The following ZPBP variants were observed in gnomAD, a reference collection of about 807,000 sequenced individuals.
ZPBP encodes zona pellucida-binding protein 1.
In ZPBP, 26 loss-of-function variants were observed where a neutral mutation model predicts 44.8. That is an observed-to-expected ratio of 0.58 (90% CI 0.43 to 0.81). ZPBP has a LOEUF of 0.81. Ranked by LOEUF, ZPBP falls within the 30% of genes least tolerant of loss-of-function variation. ZPBP has a pLI of 0.00. For synonymous variants in ZPBP, 174 were observed against 153.2 expected, an observed-to-expected ratio of 1.14 and a Z score of -1.00; for missense variants, 409 against 434.0, an observed-to-expected ratio of 0.94 and a Z score of 0.51.
chr7:50,086,435 T>C (rs1388383364), intron 2 of ZPBP, among the ~76,000 whole-genome samples: 2 of 152,092 alleles, frequency 1.3e-5, no homozygotes, highest in Admixed American at 6.6e-5. Flanking sequence ...TTAAGTTAGA[T>C]ATTTTATATA....
chr7:49,866,612 T>C lies in ZPBP; in HGVS notation n.510-16098A>G, dbSNP rs2128721924. On this transcript the variant is annotated intron_variant and non_coding_transcript_variant, in intron 2 of 2. Transcript: ENST00000465922. The stretch of plus-strand genomic sequence containing the variant: ...GAAAACAGCCTCCTTCTTGATGGGA[T>C]GAAATGCAACATCCTGTCACAAAAG... Among the ~76,000 whole-genome samples the C allele has an allele frequency of 2.0e-5, 3 of 152,328 alleles. No homozygotes were observed. In the Middle Eastern group the frequency reaches 0.01, roughly 518 times the overall value.
intron 5 of ZPBP, among the ~76,000 whole-genome samples, chr7:50,026,922 T>C (rs1799362921): frequency 6.6e-6 from 1 of 151,980 alleles, no homozygotes. Context: ...AGCAAGCTAA[T>C]AGAGACTGCA....
intron 1 of ZPBP, chr7:49,918,259 A>C (rs534837712): frequency 1.4e-4 from 21 of 152,322 alleles, no homozygotes; most frequent in African/African-American, 5.1e-4. Context: ...CTGAGTTAAG[A>C]ATCCAAATCT....
intron 2 of ZPBP, among the ~76,000 whole-genome samples, chr7:49,877,035 C>A (rs1304015872): frequency 2.0e-5 from 3 of 152,124 alleles, no homozygotes; most frequent in Non-Finnish European, 4.4e-5. Context: ...ACTTGACCGT[C>A]AGTCTCCTCC....
chr7:49,948,105 C>G (rs563797332), intron 7 of ZPBP, among the ~76,000 whole-genome samples: 3 of 152,352 alleles, frequency 2.0e-5, no homozygotes, highest in East Asian at 3.9e-4. Flanking sequence ...TGGGCTACCC[C>G]CTAGCTCAGA....
At chr7:49,940,213 A>T (rs1562788393) in intron 7 of ZPBP, among the ~76,000 whole-genome samples, 1 of 152,156 alleles carries the variant, frequency 6.6e-6, no homozygotes, top group Non-Finnish European at 1.5e-5. Flanking sequence ...TTCTCAGAAA[A>T]TATAAGCTTT....
intron 2 of ZPBP, among the ~76,000 whole-genome samples, chr7:49,867,384 C>T (rs1274743597): frequency 6.6e-6 from 1 of 152,172 alleles, no homozygotes. Context: ...CTCCCTAGCA[C>T]AGAGAGGACA....
At chr7:50,058,919 T>C (rs1451571407) in intron 3 of ZPBP, among the ~76,000 whole-genome samples, 1 of 152,174 alleles carries the variant, frequency 6.6e-6, no homozygotes, top group Admixed American at 6.6e-5. Flanking sequence ...TAACCATGAG[T>C]AACCAATTAA....
chr7:50,029,967 T>C (rs2128811105), intron 5 of ZPBP, among the ~76,000 whole-genome samples: 1 of 152,282 alleles, frequency 6.6e-6, no homozygotes, highest in Middle Eastern at 3.4e-3. Context: ...GTGATTCTCC[T>C]GCCTCAGCCT....
intron 3 of ZPBP, among the ~76,000 whole-genome samples, chr7:50,065,412 G>T (rs1801454051): frequency 6.6e-6 from 1 of 150,788 alleles, no homozygotes; most frequent in Non-Finnish European, 1.5e-5. Context: ...GAGTCATTCT[G>T]GGCGTTTCTC....
In ZPBP at chr7:49,981,615, T is replaced by TATA. The variant is rs1562820211; in HGVS notation, c.961+1726_961+1727insTAT. 1.0e-3 allele frequency among the ~76,000 whole-genome samples: 27 copies of TATA among 26,598 alleles called. 1 individual carries two copies. The highest frequency in any genetic ancestry group is 4.0e-3 in the African/African-American group (18 of 4,480). The allele number at this position is 26,598 out of a possible 152,430, so 17.4% of individuals were successfully genotyped here. A position where few individuals can be genotyped will look rare whatever the true frequency, so the allele number is the denominator to read the frequency against. ...TATAATTATATAAATTATATAATTA[T>TATA]ATTATATTATATTATATTATATATT... On this transcript the variant is annotated intron_variant, in intron 7 of 7. Coordinates refer to ENST00000046087, the MANE Select transcript of ZPBP (RefSeq NM_007009.3).
chr7:49,933,823 G>A (rs538463744), downstream of ZPBP, among the ~76,000 whole-genome samples: 1 of 148,398 alleles, frequency 6.7e-6, no homozygotes, highest in African/African-American at 2.5e-5. Flanking sequence ...AACACTGTAT[G>A]TTCTCACTCA....
chr7:49,960,147 C>T lies in ZPBP; in HGVS notation c.962-22525G>A, dbSNP rs183275608. Among the ~76,000 whole-genome samples, 297 of 152,160 alleles carry T rather than the reference C, an allele frequency of 2.0e-3. 3 individuals are homozygous for T. Among genetic ancestry groups the T allele is most frequent in the African/African-American group, 6.7e-3 (277 of 41,526 alleles). ...TATTAAAAAACACAGAGGCCGGGCG[C>T]GGTGACTCAGGCCTGTAATCCCAGC... On this transcript the variant is annotated intron_variant, in intron 7 of 7. Coordinates refer to ENST00000046087, the MANE Select transcript of ZPBP (RefSeq NM_007009.3).
intron 5 of ZPBP, among the ~76,000 whole-genome samples, chr7:50,020,022 T>C (rs1799012149): frequency 6.7e-6 from 1 of 150,186 alleles, no homozygotes; most frequent in Non-Finnish European, 1.5e-5. Flanking sequence ...CACTCCAGCC[T>C]CGGCAACAGA....
chr7:49,912,275 A>C (rs1226174733), intron 1 of ZPBP: 1 of 1,379,656 alleles, frequency 7.2e-7, no homozygotes, highest in African/African-American at 1.4e-5. Context: ...CAGTCAAAGA[A>C]GACTTTTGAT....
intron 6 of ZPBP, among the ~76,000 whole-genome samples, chr7:49,998,948 T>C (rs1408657606): frequency 6.6e-6 from 1 of 152,012 alleles, no homozygotes; most frequent in Non-Finnish European, 1.5e-5. Context: ...ATTTGAAAAT[T>C]TGAAACCTGA....
At chr7:49,883,309 C>G (rs554268139) in intron 2 of ZPBP, among the ~76,000 whole-genome samples, 31 of 151,854 alleles carry the variant, frequency 2.0e-4, no homozygotes, top group Non-Finnish European at 3.7e-4. Context: ...ACAAACCAGG[C>G]CGAGTTAGCA....
chr7:49,940,376 A>G (rs2128752940), intron 7 of ZPBP, among the ~76,000 whole-genome samples: 1 of 152,222 alleles, frequency 6.6e-6, no homozygotes, highest in East Asian at 1.9e-4. Flanking sequence ...AATAAAAACT[A>G]ATTTAAAAGT....
At chr7:50,043,275 A>G (rs536027477) in intron 4 of ZPBP, among the ~76,000 whole-genome samples, 1 of 152,228 alleles carries the variant, frequency 6.6e-6, no homozygotes, top group Non-Finnish European at 1.5e-5. Context: ...AACTCTGTTC[A>G]GGGCTCTCAG....
Sources: gnomAD v4.1 joint callset for allele counts (sites outside exome capture counted in the v4.1 genomes callset) on GRCh38, gnomAD v4.1.1 for gene constraint, MANE v1.5 for transcripts, NCBI Gene and HGNC (gene_info 2026-07-23, HGNC 2026-07-21) for gene names.